NCALD: variants seen among roughly 807,000 people sequenced by gnomAD.
The protein encoded by NCALD is neurocalcin delta.
Under a neutral mutation model 18.6 loss-of-function variants are expected in NCALD, and 10 were observed. The observed-to-expected ratio is 0.54, with a 90% CI of 0.33 to 0.91. NCALD has a LOEUF of 0.91. NCALD is among the 40% of genes least tolerant of loss of function. NCALD has a pLI of 0.03. For missense variants in NCALD, 184 were observed against 247.6 expected, an observed-to-expected ratio of 0.74 and a Z score of 1.72; for synonymous variants, 88 against 87.4, an observed-to-expected ratio of 1.01 and a Z score of -0.04.
In NCALD at chr8:101,689,236, A is replaced by G; in HGVS notation, c.*73T>C. Reference sequence around the variant, plus strand: ...CCATTGATATTGTTTGGCAAAAAAAAAAAAAAATTGTTAAAAAGAAGAATC... The same window carrying G: ...CCATTGATATTGTTTGGCAAAAAAAGAAAAAAATTGTTAAAAAGAAGAATC... On this transcript the variant is annotated 3_prime_UTR_variant, in exon 4 of 4. Coordinates refer to ENST00000220931, the MANE Select transcript of NCALD (RefSeq NM_032041.3). This position sits in a 1 kb window ranked among gnomAD's most constrained non-coding sequence, Gnocchi z 4.4. 6.7e-7 allele frequency: 1 copy of G among 1,495,808 alleles called. No individual in the cohort carries two copies. Among genetic ancestry groups the G allele is most frequent in the Non-Finnish European group, 9.1e-7 (1 of 1,097,038 alleles). The allele number at this position is 1,495,808 out of a possible 1,614,324, so 92.7% of individuals were successfully genotyped here. A position where few individuals can be genotyped will look rare whatever the true frequency, so the allele number is the denominator to read the frequency against.
At chr8:101,759,024 T>C (rs1811005651) in intron 1 of NCALD, among the ~76,000 whole-genome samples, 1 of 152,198 alleles carries the variant, frequency 6.6e-6, no homozygotes, top group African/African-American at 2.4e-5. Flanking sequence ...CATACATCAA[T>C]ATTTTTAACT....
At chr8:102,066,408 A>G (rs1308164122) in intron 1 of NCALD, among the ~76,000 whole-genome samples, 1 of 152,206 alleles carries the variant, frequency 6.6e-6, no homozygotes, top group Non-Finnish European at 1.5e-5. Context: ...GCATTTGTTC[A>G]GTAATTCTAG....
intron 1 of NCALD, among the ~76,000 whole-genome samples, chr8:102,094,141 C>T (rs1256250096): frequency 1.3e-5 from 2 of 152,172 alleles, no homozygotes; most frequent in Admixed American, 1.3e-4. Flanking sequence ...TCTTCAAATA[C>T]AAAACTTAGA....
At chr8:101,981,696 T>C (rs1387787122) in intron 2 of NCALD, among the ~76,000 whole-genome samples, 3 of 152,262 alleles carry the variant, frequency 2.0e-5, no homozygotes, top group Non-Finnish European at 4.4e-5. Flanking sequence ...TGAATCTTTT[T>C]ATGGCTACAT....
At chr8:101,902,057 C>A (rs945929385) in intron 3 of NCALD, among the ~76,000 whole-genome samples, 2 of 152,234 alleles carry the variant, frequency 1.3e-5, no homozygotes, top group African/African-American at 4.8e-5. Flanking sequence ...TCCCAAAGTG[C>A]TGGGATTACA....
At chr8:102,042,067 T>C (rs564395908) in intron 1 of NCALD, among the ~76,000 whole-genome samples, 2 of 152,090 alleles carry the variant, frequency 1.3e-5, no homozygotes, top group East Asian at 3.9e-4. Context: ...TAGCAAAGCT[T>C]GGTCTAGGCC....
intron 4 of NCALD, among the ~76,000 whole-genome samples, chr8:101,820,519 C>T (rs897534842): frequency 2.0e-5 from 3 of 152,162 alleles, no homozygotes; most frequent in Non-Finnish European, 4.4e-5. Flanking sequence ...AGAGAACTGT[C>T]TCAAGTGTGG....
At chr8:101,955,685 A>C (rs1414385918) in intron 2 of NCALD, among the ~76,000 whole-genome samples, 1 of 152,248 alleles carries the variant, frequency 6.6e-6, no homozygotes, top group South Asian at 2.1e-4. Flanking sequence ...GTTTAATTAA[A>C]TACAATAAGG....
chr8:101,964,810 G>A (rs1819962588), intron 2 of NCALD, among the ~76,000 whole-genome samples: 1 of 152,132 alleles, frequency 6.6e-6, no homozygotes, highest in Non-Finnish European at 1.5e-5. Flanking sequence ...CAGAAAATAG[G>A]TATGGCAGCA....
intron 1 of NCALD, among the ~76,000 whole-genome samples, chr8:102,022,962 G>T (rs1359404114): frequency 6.6e-6 from 1 of 152,080 alleles, no homozygotes; most frequent in Non-Finnish European, 1.5e-5. Flanking sequence ...CAGTGCTCCA[G>T]GTATCACCCA....
chr8:102,078,669 G>A (rs115041785), intron 1 of NCALD, among the ~76,000 whole-genome samples: 9 of 152,184 alleles, frequency 5.9e-5, no homozygotes, highest in African/African-American at 2.2e-4. Flanking sequence ...GCCTGGAATT[G>A]TCTTCCCCAG....
rs551249630 is a variant in NCALD, at chr8:101,756,087, T to A, written c.-20+34775A>T. On this transcript the variant is annotated intron_variant, in intron 1 of 3. Coordinates refer to ENST00000220931, the MANE Select transcript of NCALD (RefSeq NM_032041.3). Reference sequence around the variant, plus strand: ...TTGTCCATCTCCCTTCCCCCACCTTTTTTTTTTTTAAATCAAGACAAATGT... The same window carrying A: ...TTGTCCATCTCCCTTCCCCCACCTTATTTTTTTTTAAATCAAGACAAATGT... Among the ~76,000 whole-genome samples the A allele has an allele frequency of 1.3e-3, 195 of 149,510 alleles. 2 individuals are homozygous for A. Among genetic ancestry groups the A allele is most frequent in the African/African-American group, 4.6e-3 (188 of 41,224 alleles).
chr8:101,874,554 C>T (rs1034587153), intron 4 of NCALD, among the ~76,000 whole-genome samples: 4 of 151,938 alleles, frequency 2.6e-5, no homozygotes, highest in Admixed American at 2.0e-4. Context: ...ATTTTTTTTT[C>T]TGAGACAGGG....
chr8:101,909,555 A>G (rs1227881661), intron 3 of NCALD, among the ~76,000 whole-genome samples: 1 of 152,182 alleles, frequency 6.6e-6, no homozygotes, highest in Non-Finnish European at 1.5e-5. Context: ...TGCATAAATT[A>G]TCTCATATAC....
At chr8:101,700,033 TTTA>T (rs905082600) in intron 2 of NCALD, among the ~76,000 whole-genome samples, 1 of 143,734 alleles carries the variant, frequency 7.0e-6, no homozygotes, top group African/African-American at 2.8e-5. Flanking sequence ...TCTATTTTTA[TTTA>T]TTTATTTATT....
At chr8:101,822,896 G>A (rs1008853411) in intron 4 of NCALD, among the ~76,000 whole-genome samples, 2 of 152,072 alleles carry the variant, frequency 1.3e-5, no homozygotes, top group African/African-American at 4.8e-5. Context: ...AATCAGGTCC[G>A]TTTTAAACCT....
At chr8:102,001,769 C>A (rs1487634194) in intron 2 of NCALD, among the ~76,000 whole-genome samples, 3 of 152,116 alleles carry the variant, frequency 2.0e-5, no homozygotes, top group Non-Finnish European at 4.4e-5. Context: ...TCATATCCAG[C>A]CAAACTAAGC....
intron 1 of NCALD, among the ~76,000 whole-genome samples, chr8:101,728,591 T>C (rs143250662): frequency 0.016 from 2,482 of 152,164 alleles, 62 homozygotes; most frequent in African/African-American, 0.057. Flanking sequence ...GAGGCCGAGG[T>C]GGGCAGATCA....
chr8:101,952,231 T>C (rs73279254), intron 2 of NCALD, among the ~76,000 whole-genome samples: 3,782 of 152,232 alleles, frequency 0.025, 169 homozygotes, highest in African/African-American at 0.081. Context: ...AGAATGCAAG[T>C]ACAGGACTCC....
Sources: allele counts gnomAD v4.1 joint callset (sites outside exome capture counted in the v4.1 genomes callset), GRCh38; gene constraint gnomAD v4.1.1; non-coding constraint Gnocchi (gnomAD v3.1); transcripts MANE v1.5; gene names NCBI Gene and HGNC (gene_info 2026-07-23, HGNC 2026-07-21).